The following TXNDC16 variants were observed in gnomAD, a reference collection of about 807,000 sequenced individuals.
TXNDC16 encodes the protein thioredoxin domain-containing protein 16.
TXNDC16 carries 74 observed loss-of-function variants against 85.6 expected under a neutral mutation model. The observed-to-expected ratio is 0.86, with a 90% CI of 0.72 to 1.05. TXNDC16 has a LOEUF of 1.05. Among genes scored for constraint, TXNDC16 ranks in the 50% least tolerant of loss-of-function variants. TXNDC16 has a pLI of 0.00. For missense variants in TXNDC16, 959 were observed against 947.0 expected, an observed-to-expected ratio of 1.01 and a Z score of -0.17; for synonymous variants, 335 against 326.5, an observed-to-expected ratio of 1.03 and a Z score of -0.28.
chr14:52,445,342 G>A (rs1285919198), intron 18 of TXNDC16, among the ~76,000 whole-genome samples: 5 of 151,996 alleles, frequency 3.3e-5, no homozygotes, highest in Non-Finnish European at 7.4e-5. Context: ...AGGAGGAAAG[G>A]ACAGAACCAA....
intron 6 of TXNDC16, among the ~76,000 whole-genome samples, chr14:52,526,490 G>A (rs1365745715): frequency 6.6e-6 from 1 of 152,184 alleles, no homozygotes; most frequent in Non-Finnish European, 1.5e-5. Flanking sequence ...CTCCTACACA[G>A]ACCAAATCTC....
intron 6 of TXNDC16, among the ~76,000 whole-genome samples, chr14:52,525,614 C>T (rs975302493): frequency 1.6e-4 from 24 of 151,158 alleles, no homozygotes; most frequent in African/African-American, 5.8e-4. Context: ...AGGAGAACTG[C>T]TTGAACCCAG....
At chr14:52,434,695 G>A (rs576425181) in intron 20 of TXNDC16, among the ~76,000 whole-genome samples, 4 of 152,236 alleles carry the variant, frequency 2.6e-5, no homozygotes, top group African/African-American at 7.2e-5. Flanking sequence ...CAACTCATCC[G>A]ACCCCAACCC....
chr14:52,470,367 T>G, intron 15 of TXNDC16, 145 bp downstream of exon 15: 1 of 1,059,618 alleles, frequency 9.4e-7, no homozygotes, highest in Non-Finnish European at 1.3e-6. Flanking sequence ...AGTGTTGAAA[T>G]GTACACAGAC....
intron 6 of TXNDC16, among the ~76,000 whole-genome samples, chr14:52,521,371 T>C (rs1206857085): frequency 1.3e-5 from 2 of 150,860 alleles, no homozygotes; most frequent in Non-Finnish European, 2.9e-5. Flanking sequence ...TCCGCCCACC[T>C]CGGCCTCCCA....
chr14:52,448,778 A>G (rs2035341378), intron 18 of TXNDC16, among the ~76,000 whole-genome samples: 2 of 152,146 alleles, frequency 1.3e-5, no homozygotes, highest in Non-Finnish European at 2.9e-5. Context: ...ATAAAAAGTT[A>G]AAAAGCAGGA....
At chr14:52,534,069 A>G (rs2037645342) in intron 6 of TXNDC16, among the ~76,000 whole-genome samples, 2 of 152,200 alleles carry the variant, frequency 1.3e-5, no homozygotes, top group Non-Finnish European at 2.9e-5. Flanking sequence ...TTTGTCAGGC[A>G]TAGCCTTGGA....
rs59724963 is a variant in TXNDC16 at position 52,502,089 on chromosome 14, A to G, written c.756+9151T>C. 5.3e-3 allele frequency among the ~76,000 whole-genome samples: 806 copies of G among 152,286 alleles called. 5 individuals are homozygous for G. Among genetic ancestry groups the G allele is most frequent in the African/African-American group, 0.018 (757 of 41,566 alleles). ...GCCAAGTATTCCTAGGCTGACATCA[A>G]GGTTTGAATTCTCAGCTTAGCTTTC... On this transcript the variant is annotated intron_variant, in intron 9 of 20. Transcript: ENST00000281741.
intron 6 of TXNDC16, among the ~76,000 whole-genome samples, chr14:52,524,399 C>T (rs527306778): frequency 6.6e-6 from 1 of 152,292 alleles, no homozygotes; most frequent in South Asian, 2.1e-4. Flanking sequence ...GAAGTAGTAC[C>T]ATATCTTAAT....
At chr14:52,532,369 C>G (rs1162485874) in intron 6 of TXNDC16, among the ~76,000 whole-genome samples, 1 of 151,946 alleles carries the variant, frequency 6.6e-6, no homozygotes, top group Non-Finnish European at 1.5e-5. Flanking sequence ...ACAGCAAGAC[C>G]CCATCTCAAA....
intron 14 of TXNDC16, among the ~76,000 whole-genome samples, chr14:52,481,311 TAACCAAACACCACCTG>T (rs1261519608): frequency 2.0e-5 from 3 of 152,000 alleles, no homozygotes; most frequent in Admixed American, 2.0e-4. Flanking sequence ...TTTACTCATG[TAACCAAACACCACCTG>T]TTCCCCAGTA....
At chr14:52,441,160 T>C (rs922259395) in intron 18 of TXNDC16, among the ~76,000 whole-genome samples, 3 of 152,168 alleles carry the variant, frequency 2.0e-5, no homozygotes, top group Admixed American at 6.5e-5. Context: ...AAAATTTTAC[T>C]TTTTCCAATA....
At chr14:52,463,043 C>G (rs182856034) in intron 16 of TXNDC16, 2 of 453,006 alleles carry the variant, frequency 4.4e-6, no homozygotes, top group Admixed American at 2.4e-5. Context: ...AGCTGAAGTT[C>G]ATACTACCTA....
Position 52,551,295 on chromosome 14 carries a change from G to A in TXNDC16, c.-182+1021C>T, listed in dbSNP as rs2038038596. On this transcript the variant is annotated intron_variant, in intron 1 of 20. Coordinates refer to ENST00000281741, the MANE Select transcript of TXNDC16 (RefSeq NM_020784.3). ...CAAAGGCCAGCCTGGACAATATAGT[G>A]AAACCTCGTCTCTACCAAAAAAAAA... 2.0e-5 allele frequency among the ~76,000 whole-genome samples: 3 copies of A among 148,086 alleles called. 1 individual carries two copies. The South Asian group carries it at 6.9e-4, about 34-fold the overall frequency.
At chr14:52,463,254 G>A (rs948804103) in intron 16 of TXNDC16, among the ~76,000 whole-genome samples, 4 of 151,892 alleles carry the variant, frequency 2.6e-5, no homozygotes, top group Admixed American at 2.0e-4. Flanking sequence ...AAGCCGTGGA[G>A]CTTCAAAGTC....
rs2037850080 is a variant in TXNDC16, at chr14:52,542,380, T to C, written c.234A>G (p.Ser78=). 1 of 1,604,280 alleles carries C rather than the reference T, an allele frequency of 6.2e-7. No individual in the cohort carries two copies. The highest frequency in any genetic ancestry group is 8.5e-7 in the Non-Finnish European group (1 of 1,175,494). ...AVRPLQDYGI[S]VAKVNCVKEE... ...ATAAATATCTTTCTACCTTGGCAAC[T>C]GAAATTCCATAGTCCTGCAGAGGTC... is the stretch of plus-strand genomic sequence containing the variant. The change falls in exon 4 of 21, where the codon TCA becomes TCG. Residue 78 remains serine (S), a synonymous_variant. Coordinates refer to ENST00000281741, the MANE Select transcript of TXNDC16 (RefSeq NM_020784.3).
At chr14:52,540,678 A>G (rs1040028878) in intron 4 of TXNDC16, among the ~76,000 whole-genome samples, 12 of 152,168 alleles carry the variant, frequency 7.9e-5, no homozygotes, top group African/African-American at 2.9e-4. Context: ...CTCTCCTATT[A>G]CAATGATCAG....
At chr14:52,500,257 C>T (rs183699516) in intron 9 of TXNDC16, among the ~76,000 whole-genome samples, 14 of 152,320 alleles carry the variant, frequency 9.2e-5, no homozygotes, top group East Asian at 1.9e-4. Flanking sequence ...ATACGTCCAA[C>T]GGAATATTAT....
chr14:52,471,704 TA>T (rs2035911722), intron 14 of TXNDC16, among the ~76,000 whole-genome samples: 1 of 152,084 alleles, frequency 6.6e-6, no homozygotes, highest in Non-Finnish European at 1.5e-5. Flanking sequence ...TGCATGTGAA[TA>T]AATGACACAT....
Sources: gnomAD v4.1 joint callset for allele counts (sites outside exome capture counted in the v4.1 genomes callset) on GRCh38, gnomAD v4.1.1 for gene constraint, MANE v1.5 for transcripts, NCBI Gene and HGNC (gene_info 2026-07-23, HGNC 2026-07-21) for gene names.